The following ZNF98 variants were observed in gnomAD, a reference collection of about 807,000 sequenced individuals.
The protein encoded by ZNF98 is zinc finger protein 739.
In ZNF98, 8 loss-of-function variants were observed where a neutral mutation model predicts 12.8. That is an observed-to-expected ratio of 0.63 (90% CI 0.37 to 1.13). The LOEUF (loss-of-function observed/expected upper bound fraction) is 1.13, where lower values mean the gene tolerates loss of function less well. ZNF98 is among the 50% of genes most tolerant of loss of function. ZNF98 has a pLI of 0.01. For synonymous variants in ZNF98, 112 were observed against 223.5 expected, an observed-to-expected ratio of 0.50 and a Z score of 4.45; for missense variants, 379 against 666.1, an observed-to-expected ratio of 0.57 and a Z score of 4.74.
rs757806250 is a variant in ZNF98, at chr19:22,391,735, G to A, written c.1500C>T (p.Asn500=). The A allele has an allele frequency of 6.2e-7, 1 of 1,613,166 alleles. No individual in the cohort carries two copies. The highest frequency in any genetic ancestry group is 8.5e-7 in the Non-Finnish European group (1 of 1,179,670). ...TATGTGTAGTAAGGTGTGAGGACTG[G>A]TTAAAAGCTTTGCCACATTCTTCAC... is the stretch of plus-strand genomic sequence containing the variant. ...YKCEECGKAF[N]QSSHLTTHKM... Residue 500 remains asparagine (N), a synonymous_variant, in exon 4 of 4, where the codon AAC becomes AAT. Transcript: ENST00000357774.
rs559706941 is a variant in ZNF98 at position 22,415,352 on chromosome 19, G to A, written c.30+6843C>T. 3.7e-4 allele frequency among the ~76,000 whole-genome samples: 56 copies of A among 152,142 alleles called. 1 individual carries two copies. In the South Asian group the frequency reaches 0.011, roughly 31 times the overall value. ...CTGTTGACCCAGCAACCTCAAAATCGGGCATATACCCAGTAAAATACAAAT... is the reference window on the plus strand; with the variant it reads ...CTGTTGACCCAGCAACCTCAAAATCAGGCATATACCCAGTAAAATACAAAT... On this transcript the variant is annotated intron_variant, in intron 1 of 3. Coordinates refer to ENST00000357774, the MANE Select transcript of ZNF98 (RefSeq NM_001098626.2).
At chr19:22,420,037 C>A (rs1969687199) in intron 1 of ZNF98, among the ~76,000 whole-genome samples, 1 of 152,076 alleles carries the variant, frequency 6.6e-6, no homozygotes, top group Non-Finnish European at 1.5e-5. Context: ...GTGGTGCATG[C>A]CTGTAGTCCC....
intron 2 of ZNF98, among the ~76,000 whole-genome samples, chr19:22,403,096 G>A (rs529132078): frequency 8.4e-4 from 128 of 151,752 alleles, no homozygotes; most frequent in African/African-American, 3.0e-3. Context: ...ACTGGTAGTG[G>A]CAATTAGATT....
intron 3 of ZNF98, chr19:22,402,475 CTA>C: frequency 2.4e-6 from 1 of 412,846 alleles, no homozygotes; most frequent in Non-Finnish European, 4.2e-6. Context: ...TGCAGATTAT[CTA>C]TGTGTTTTCA....
chr19:22,417,876 CAG>C (rs932248600), intron 1 of ZNF98, among the ~76,000 whole-genome samples: 1 of 152,036 alleles, frequency 6.6e-6, no homozygotes, highest in African/African-American at 2.4e-5. Context: ...GGTCTGCTGT[CAG>C]AGTTTCTTTA....
chr19:22,408,267 A>C (rs1276927699), intron 1 of ZNF98, among the ~76,000 whole-genome samples: 1 of 152,216 alleles, frequency 6.6e-6, no homozygotes. Flanking sequence ...AAGAACTCTC[A>C]ATAAACCAGG....
At chr19:22,415,618 C>CA (rs56046308) in intron 1 of ZNF98, among the ~76,000 whole-genome samples, 9,732 of 130,460 alleles carry the variant, frequency 0.075, 1,197 homozygotes, top group African/African-American at 0.26. Flanking sequence ...ACAAAAAATA[C>CA]AAAAAAAAAA....
intron 1 of ZNF98, among the ~76,000 whole-genome samples, chr19:22,413,805 G>A (rs1025929140): frequency 9.1e-5 from 13 of 142,474 alleles, no homozygotes; most frequent in Non-Finnish European, 1.8e-4. Context: ...GGAGGCAGAG[G>A]TTGTGGTGAG....
At chr19:22,394,871 G>A (rs1672768069) in intron 3 of ZNF98, among the ~76,000 whole-genome samples, 1 of 152,126 alleles carries the variant, frequency 6.6e-6, no homozygotes, top group South Asian at 2.1e-4. Flanking sequence ...AACAATTATA[G>A]CAAGTGATTA....
rs11669356 is a variant in ZNF98, at chr19:22,422,318, G to T, written c.-94C>A. On this transcript the variant is annotated 5_prime_UTR_variant, in exon 1 of 4. Transcript: ENST00000357774. ...CACAGAAGGGCGAAGACGAGACCAGGAACTCCGGCTGCAGCGAGAGACAAA... is the reference window on the plus strand; with the variant it reads ...CACAGAAGGGCGAAGACGAGACCAGTAACTCCGGCTGCAGCGAGAGACAAA... 636,877 of 1,480,780 alleles carry T rather than the reference G, an allele frequency of 0.43. 140,603 individuals are homozygous for T. The highest frequency in any genetic ancestry group is 0.46 in the Non-Finnish European group (494,899 of 1,064,720). 91.7% of individuals were successfully genotyped at this position (1,480,780 alleles called of 1,614,324 possible).
At chr19:22,396,675 T>C (rs958906799) in intron 3 of ZNF98, among the ~76,000 whole-genome samples, 5 of 151,960 alleles carry the variant, frequency 3.3e-5, no homozygotes, top group African/African-American at 1.2e-4. Flanking sequence ...AGGGGCAAGA[T>C]GGAAGAATAC....
rs553119947 is a variant in ZNF98 at position 22,399,379 on chromosome 19, T to C, written c.253+3410A>G. 2.0e-5 allele frequency among the ~76,000 whole-genome samples: 3 copies of C among 152,284 alleles called. No individual in the cohort carries two copies. In the East Asian group the frequency reaches 5.8e-4, roughly 29 times the overall value. On this transcript the variant is annotated intron_variant, in intron 3 of 3. Coordinates refer to ENST00000357774, the MANE Select transcript of ZNF98 (RefSeq NM_001098626.2). ...TAATAAATAAGATCATTTCTAAGTT[T>C]TAAATATATGCTATTCTTACACAAA...
At chr19:22,409,292 A>C (rs984165497) in intron 1 of ZNF98, among the ~76,000 whole-genome samples, 5 of 152,196 alleles carry the variant, frequency 3.3e-5, no homozygotes, top group African/African-American at 1.2e-4. Flanking sequence ...AATTTACTCA[A>C]GATGGATTAA....
intron 3 of ZNF98, among the ~76,000 whole-genome samples, chr19:22,393,623 G>T (rs1336261605): frequency 6.6e-6 from 1 of 151,924 alleles, no homozygotes; most frequent in Admixed American, 6.6e-5. Flanking sequence ...GGGAAAACTG[G>T]CTAGCCATAT....
At chr19:22,422,041 G>A (rs535724146) in intron 1 of ZNF98, among the ~76,000 whole-genome samples, 154 bp downstream of exon 1, 1 of 152,246 alleles carries the variant, frequency 6.6e-6, no homozygotes, top group Non-Finnish European at 1.5e-5. Flanking sequence ...CCATCTTATC[G>A]CTGAAGGGGA....
chr19:22,399,066 C>T (rs182845188), intron 3 of ZNF98, among the ~76,000 whole-genome samples: 155 of 152,010 alleles, frequency 1.0e-3, no homozygotes, highest in African/African-American at 3.4e-3. Flanking sequence ...AATTGTAAAA[C>T]CAAAAAACAC....
At chr19:22,396,481 GAATC>G (rs1337994879) in intron 3 of ZNF98, among the ~76,000 whole-genome samples, 2 of 151,970 alleles carry the variant, frequency 1.3e-5, no homozygotes, top group Admixed American at 6.6e-5. Flanking sequence ...AAAGATGCAA[GAATC>G]AAATAAAATA....
chr19:22,394,958 G>A (rs898542645), intron 3 of ZNF98, among the ~76,000 whole-genome samples: 3 of 151,990 alleles, frequency 2.0e-5, no homozygotes, highest in Non-Finnish European at 2.9e-5. Context: ...GATCAACTGA[G>A]GTCCGGAGTT....
chr19:22,398,937 G>A (rs1969427338), intron 3 of ZNF98, among the ~76,000 whole-genome samples: 1 of 152,008 alleles, frequency 6.6e-6, no homozygotes, highest in African/African-American at 2.4e-5. Flanking sequence ...CAAAATTGGG[G>A]TCATATTTAT....
Sources: allele counts gnomAD v4.1 joint callset (sites outside exome capture counted in the v4.1 genomes callset), GRCh38; gene constraint gnomAD v4.1.1; transcripts MANE v1.5; gene names NCBI Gene and HGNC (gene_info 2026-07-23, HGNC 2026-07-21).